Variants in FGD4 observed in about 807,000 individuals in gnomAD.
FGD4 encodes the protein FYVE, RhoGEF and PH domain containing 4, also known as FYVE, RhoGEF and PH domain-containing protein 4.
Under a neutral mutation model 102.0 loss-of-function variants are expected in FGD4, and 42 were observed. The ratio of observed to expected loss-of-function variants is 0.41; its 90% CI spans 0.32 to 0.53. FGD4 has a LOEUF of 0.53. Ranked by LOEUF, FGD4 falls within the 20% of genes least tolerant of loss-of-function variation. The probability of loss-of-function intolerance (pLI) is 0.21; values close to 1 mark genes in which losing one functional copy is unlikely to be tolerated. For missense variants in FGD4, 902 were observed against 1,078.2 expected (o/e 0.84, Z 2.29); for synonymous variants, 380 against 375.7 (o/e 1.01, Z -0.13).
chr12:32,413,952 G>T (rs1276889959), intron 1 of FGD4, among the ~76,000 whole-genome samples: 1 of 150,432 alleles, frequency 6.6e-6, no homozygotes, highest in Non-Finnish European at 1.5e-5. Flanking sequence ...GGGAGCGAAG[G>T]TCAGAGAGAC....
chr12:32,425,436 C>G (rs1367079666), intron 1 of FGD4, among the ~76,000 whole-genome samples: 1 of 152,164 alleles, frequency 6.6e-6, no homozygotes, highest in African/African-American at 2.4e-5. Context: ...GTCTATATAT[C>G]TGTTTCAGTA....
intron 1 of FGD4, among the ~76,000 whole-genome samples, chr12:32,403,840 C>T (rs1256392806): frequency 1.3e-5 from 2 of 152,020 alleles, no homozygotes; most frequent in Non-Finnish European, 2.9e-5. Flanking sequence ...CGTGATCCGC[C>T]CGCCTCGGCC....
chr12:32,571,316 G>A (rs543796177), intron 2 of FGD4, among the ~76,000 whole-genome samples: 1 of 152,202 alleles, frequency 6.6e-6, no homozygotes, highest in South Asian at 2.1e-4. Context: ...TTAACTGGGT[G>A]TGGTGGCAGG....
intron 1 of FGD4, among the ~76,000 whole-genome samples, chr12:32,547,895 G>A (rs561843809): frequency 3.3e-5 from 5 of 151,960 alleles, no homozygotes; most frequent in Admixed American, 6.6e-5. Flanking sequence ...TAGTAGAGAC[G>A]GGGTTTTACC....
chr12:32,479,455 A>G (rs964544682), intron 1 of FGD4, among the ~76,000 whole-genome samples: 7 of 152,016 alleles, frequency 4.6e-5, no homozygotes, highest in African/African-American at 1.7e-4. Context: ...TCAGCCTCCC[A>G]TGAATTCTTA....
At chr12:32,580,891 A>G (rs1295453806) in intron 3 of FGD4, among the ~76,000 whole-genome samples, 2 of 151,952 alleles carry the variant, frequency 1.3e-5, no homozygotes, top group Non-Finnish European at 2.9e-5. Flanking sequence ...CGTCTCAAAA[A>G]AAAAAAAAAA....
At chr12:32,480,626 G>A (rs555121465) in intron 1 of FGD4, among the ~76,000 whole-genome samples, 297 of 150,826 alleles carry the variant, frequency 2.0e-3, no homozygotes, top group African/African-American at 6.8e-3. Flanking sequence ...TCAGCCTTCC[G>A]AGTAGCTGGG....
intron 1 of FGD4, among the ~76,000 whole-genome samples, chr12:32,529,671 C>T (rs1941604117): frequency 6.6e-6 from 1 of 151,258 alleles, no homozygotes; most frequent in Admixed American, 6.6e-5. Flanking sequence ...GGTGAAACCC[C>T]ATCTCTACTA....
chr12:32,526,671 C>T (rs1424352497), intron 1 of FGD4, among the ~76,000 whole-genome samples: 1 of 152,186 alleles, frequency 6.6e-6, no homozygotes, highest in Non-Finnish European at 1.5e-5. Flanking sequence ...TGTTCTTTCG[C>T]TATTTGCGAT....
intron 1 of FGD4, among the ~76,000 whole-genome samples, chr12:32,446,501 C>T (rs1438560845): frequency 1.3e-5 from 2 of 152,064 alleles, no homozygotes; most frequent in African/African-American, 4.8e-5. Context: ...TTTCTGTGTC[C>T]CTGTGTCTAC....
At chr12:32,590,077 A>G (rs7311621) in intron 4 of FGD4, among the ~76,000 whole-genome samples, 72,978 of 151,824 alleles carry the variant, frequency 0.48, 19,269 homozygotes, top group African/African-American at 0.71. Flanking sequence ...GGAGGCCGAG[A>G]CAGGTGGATC....
In FGD4 at chr12:32,584,273, C is replaced by T. The variant is rs182619510; in HGVS notation, c.1011+1806C>T. 3.7e-3 allele frequency among the ~76,000 whole-genome samples: 567 copies of T among 152,310 alleles called. 4 individuals are homozygous for T. The highest frequency in any genetic ancestry group is 0.013 in the African/African-American group (534 of 41,584). On this transcript the variant is annotated intron_variant, in intron 4 of 16. Transcript: ENST00000534526. ...ATGTTAGGATTTCATAAGTGTGCTG[C>T]GGCAGTGTGTTCACCTTTGCTGCAC...
chr12:32,612,269 T>G (rs1032378810), intron 10 of FGD4, among the ~76,000 whole-genome samples: 1 of 152,240 alleles, frequency 6.6e-6, no homozygotes, highest in Admixed American at 6.5e-5. Context: ...CTCCCATTGC[T>G]GTAGCCAGCA....
intron 1 of FGD4, chr12:32,502,271 A>G (rs1938281548): frequency 1.7e-5 from 17 of 985,464 alleles, no homozygotes; most frequent in South Asian, 4.7e-5. Flanking sequence ...TGGAAGAACA[A>G]ATGAAGGGAG....
intron 1 of FGD4, among the ~76,000 whole-genome samples, chr12:32,431,817 T>A (rs1298733354): frequency 6.6e-6 from 1 of 152,112 alleles, no homozygotes; most frequent in African/African-American, 2.4e-5. Flanking sequence ...CTTCTAATAT[T>A]TTCTCCTTGC....
At chr12:32,458,774 T>A (rs541290270) in intron 1 of FGD4, among the ~76,000 whole-genome samples, 362 of 152,282 alleles carry the variant, frequency 2.4e-3, no homozygotes, top group Non-Finnish European at 4.1e-3. Context: ...GCTTATAACT[T>A]TACATTCATT....
At chr12:32,592,490 G>C (rs1979824) in intron 4 of FGD4, among the ~76,000 whole-genome samples, 43,804 of 151,758 alleles carry the variant, frequency 0.29, 6,647 homozygotes, top group Middle Eastern at 0.49. Context: ...CCAAAGGACT[G>C]CAAGAATAAA....
At chr12:32,400,885 A>C (rs1228633277) in intron 1 of FGD4, among the ~76,000 whole-genome samples, 2 of 102,482 alleles carry the variant, frequency 2.0e-5, no homozygotes, top group East Asian at 6.0e-4. Flanking sequence ...AGAGCTTTTA[A>C]ATTCCCTTTT....
chr12:32,609,045 G>C lies in FGD4; in HGVS notation c.1543+950G>C, dbSNP rs1948970555. Among the ~76,000 whole-genome samples, 3 of 152,102 alleles carry C rather than the reference G, an allele frequency of 2.0e-5. No individual in the cohort carries two copies. The South Asian group carries it at 6.2e-4, about 32-fold the overall frequency. On this transcript the variant is annotated intron_variant, in intron 8 of 16. Coordinates refer to ENST00000534526, the MANE Select transcript of FGD4 (RefSeq NM_001370298.3). ...CATTCAGCTAATTTTTGTGATTTTA[G>C]TAGAGACGGGTTTTCACCATGTTGG...
Sources: allele counts gnomAD v4.1 joint callset (sites outside exome capture counted in the v4.1 genomes callset), GRCh38; gene constraint gnomAD v4.1.1; transcripts MANE v1.5; gene names NCBI Gene and HGNC (gene_info 2026-07-23, HGNC 2026-07-21).